Variants in NLGN1 observed in about 807,000 individuals in gnomAD.
NLGN1 encodes the protein neuroligin 1.
Under a neutral mutation model 65.5 loss-of-function variants are expected in NLGN1, and 12 were observed. That is an observed-to-expected ratio of 0.18 (90% confidence interval 0.12 to 0.30). The LOEUF is 0.30. Among genes scored for constraint, NLGN1 ranks in the 10% least tolerant of loss-of-function variants. The probability of loss-of-function intolerance (pLI) is 1.00; values close to 1 mark genes in which losing one functional copy is unlikely to be tolerated. For missense variants in NLGN1, 750 were observed against 1,007.1 expected (o/e 0.74, Z 3.46); for synonymous variants, 350 against 359.5 (o/e 0.97, Z 0.30).
At chr3:174,145,538 A>G (rs1015850304) in intron 4 of NLGN1, among the ~76,000 whole-genome samples, 1 of 152,068 alleles carries the variant, frequency 6.6e-6, no homozygotes, top group African/African-American at 2.4e-5. Flanking sequence ...AAAAAAACAG[A>G]TAAAATAGAC....
chr3:173,908,810 G>A (rs987182476), intron 4 of NLGN1, among the ~76,000 whole-genome samples: 69 of 152,242 alleles, frequency 4.5e-4, no homozygotes, highest in Non-Finnish European at 8.4e-4. Context: ...ATGGCATTGC[G>A]TTATTTTTCT....
intron 4 of NLGN1, among the ~76,000 whole-genome samples, chr3:173,983,269 T>C (rs758715985): frequency 6.6e-6 from 1 of 152,134 alleles, no homozygotes; most frequent in Non-Finnish European, 1.5e-5. Context: ...AAGCTAGAAG[T>C]AACTTGTAAT....
At chr3:173,551,690 G>A (rs1451328246) in intron 2 of NLGN1, among the ~76,000 whole-genome samples, 2 of 152,174 alleles carry the variant, frequency 1.3e-5, no homozygotes, top group Non-Finnish European at 2.9e-5. Context: ...TCAAAGGCAG[G>A]CAGGGTTGCA....
Position 173,504,139 on chromosome 3 carries a change from A to G in NLGN1, c.-321+69061A>G, listed in dbSNP as rs143012598. Reference sequence around the variant, plus strand: ...CTTCAGAAGATTTAGAAAAATGTCAATGGTCCATACAATTTTTATCTTTGT... The same window carrying G: ...CTTCAGAAGATTTAGAAAAATGTCAGTGGTCCATACAATTTTTATCTTTGT... On this transcript the variant is annotated intron_variant, in intron 2 of 6. Transcript: ENST00000457714. Among the ~76,000 whole-genome samples the G allele has an allele frequency of 5.3e-3, 806 of 152,192 alleles. 16 individuals are homozygous for G. Among genetic ancestry groups the G allele is most frequent in the African/African-American group, 0.019 (787 of 41,550 alleles).
intron 4 of NLGN1, among the ~76,000 whole-genome samples, chr3:173,953,542 C>T (rs145782517): frequency 0.018 from 2,668 of 151,994 alleles, 80 homozygotes; most frequent in African/African-American, 0.06. Context: ...TATATACTTA[C>T]TTACTTATTT....
intron 4 of NLGN1, among the ~76,000 whole-genome samples, chr3:174,002,527 C>T (rs546779860): frequency 1.3e-5 from 2 of 152,072 alleles, no homozygotes; most frequent in African/African-American, 2.4e-5. Flanking sequence ...TTAACACTTC[C>T]GGGAATCAGT....
chr3:173,785,803 C>T (rs57151321), intron 3 of NLGN1, among the ~76,000 whole-genome samples: 21,112 of 152,098 alleles, frequency 0.14, 2,097 homozygotes, highest in African/African-American at 0.29. Context: ...TTCTTCCCGG[C>T]ATTGTCTTCT....
At chr3:173,824,710 A>G (rs192118583) in intron 4 of NLGN1, among the ~76,000 whole-genome samples, 2 of 152,036 alleles carry the variant, frequency 1.3e-5, no homozygotes, top group African/African-American at 4.8e-5. Context: ...TTTTTCTCCA[A>G]CACTCATATG....
At chr3:173,939,093 T>A (rs1287495707) in intron 4 of NLGN1, among the ~76,000 whole-genome samples, 1 of 152,190 alleles carries the variant, frequency 6.6e-6, no homozygotes, top group African/African-American at 2.4e-5. Flanking sequence ...AAAGCACACA[T>A]CTCTTTCTTT....
chr3:173,926,916 G>A (rs1743101826), intron 4 of NLGN1, among the ~76,000 whole-genome samples: 1 of 152,134 alleles, frequency 6.6e-6, no homozygotes, highest in Non-Finnish European at 1.5e-5. Context: ...AATGATCTTG[G>A]TAGAGTGTAA....
At chr3:173,465,167 C>T (rs968348565) in intron 2 of NLGN1, among the ~76,000 whole-genome samples, 1 of 152,194 alleles carries the variant, frequency 6.6e-6, no homozygotes, top group African/African-American at 2.4e-5. Flanking sequence ...TGGCCTGCTG[C>T]CATGCTTGCA....
intron 2 of NLGN1, among the ~76,000 whole-genome samples, chr3:173,466,511 A>ACAGAG (rs1410606279): frequency 6.6e-6 from 1 of 152,190 alleles, no homozygotes; most frequent in Non-Finnish European, 1.5e-5. Flanking sequence ...GTTGGCTGCA[A>ACAGAG]CAGAGCGCTG....
At chr3:174,153,540 A>G (rs6805737) in intron 4 of NLGN1, among the ~76,000 whole-genome samples, 55,709 of 152,002 alleles carry the variant, frequency 0.37, 11,957 homozygotes, top group African/African-American at 0.59. Context: ...TCACATTTGT[A>G]TATATACTTA....
intron 4 of NLGN1, among the ~76,000 whole-genome samples, chr3:174,269,650 T>C (rs369390600): frequency 4.6e-5 from 7 of 152,120 alleles, no homozygotes; most frequent in African/African-American, 1.7e-4. Context: ...TAGATGAACA[T>C]GGACTTGCAA....
At chr3:174,144,883 C>A (rs1312891642) in intron 4 of NLGN1, among the ~76,000 whole-genome samples, 1 of 152,100 alleles carries the variant, frequency 6.6e-6, no homozygotes, top group Non-Finnish European at 1.5e-5. Context: ...GTTTCTTTTG[C>A]TGTGCAGAAG....
chr3:174,104,090 CTT>C (rs1713172229), intron 4 of NLGN1, among the ~76,000 whole-genome samples: 1 of 151,988 alleles, frequency 6.6e-6, no homozygotes, highest in Admixed American at 6.6e-5. Context: ...ATTTCGCAGT[CTT>C]TTGCAGTAGC....
chr3:174,190,075 A>ACACAC, intron 4 of NLGN1, among the ~76,000 whole-genome samples: 1 of 152,124 alleles, frequency 6.6e-6, no homozygotes. Flanking sequence ...GAAAAGGTAC[A>ACACAC]ACACTTGAGC....
intron 4 of NLGN1, among the ~76,000 whole-genome samples, chr3:174,039,746 G>A (rs187211879): frequency 3.3e-5 from 5 of 152,258 alleles, no homozygotes; most frequent in Non-Finnish European, 7.4e-5. Flanking sequence ...CTGGCAGCGA[G>A]GTTGAGATGG....
chr3:174,147,963 T>A (rs544165595), intron 4 of NLGN1, among the ~76,000 whole-genome samples: 1 of 152,344 alleles, frequency 6.6e-6, no homozygotes, highest in South Asian at 2.1e-4. Context: ...CTCTTGTTCT[T>A]AGTTGCAGAA....
Sources: allele counts gnomAD v4.1 joint callset (sites outside exome capture counted in the v4.1 genomes callset), GRCh38; gene constraint gnomAD v4.1.1; transcripts MANE v1.5; gene names NCBI Gene and HGNC (gene_info 2026-07-23, HGNC 2026-07-21).